Variants in MTCL3 observed in about 807,000 individuals in gnomAD.
MTCL3 encodes the protein MTCL family member 3.
chr6:127,508,627 A>G, the MTCL3 span, among the ~76,000 whole-genome samples: 2 of 152,192 alleles, frequency 1.3e-5, no homozygotes, highest in African/African-American at 4.8e-5. Flanking sequence ...GTATGAGACA[A>G]TATAAGGAGT....
At chr6:127,519,077 A>G in the MTCL3 span, 1 of 152,250 alleles carries the variant, frequency 6.6e-6, no homozygotes, top group East Asian at 1.9e-4. Flanking sequence ...CGGGATAAAG[A>G]GACAAAAAGG....
At chr6:127,484,792 G>A in the MTCL3 span, among the ~76,000 whole-genome samples, 2 of 152,186 alleles carry the variant, frequency 1.3e-5, no homozygotes, top group Admixed American at 6.5e-5. Flanking sequence ...CCTAATTCAT[G>A]TCAACCCCTT....
chr6:127,482,989 A>G, the MTCL3 span: 1 of 1,600,126 alleles, frequency 6.2e-7, no homozygotes, highest in South Asian at 1.1e-5. This position sits in a 1 kb window ranked among gnomAD's most constrained non-coding sequence, Gnocchi z 4.1. Flanking sequence ...GGATAACTGA[A>G]ACAAAGCATG....
the MTCL3 span, among the ~76,000 whole-genome samples, chr6:127,517,924 A>C: frequency 2.0e-5 from 3 of 152,262 alleles, no homozygotes; most frequent in Admixed American, 6.5e-5. Context: ...TGTTCTATAC[A>C]GAGAGCAGAT....
chr6:127,486,979 G>A, the MTCL3 span, among the ~76,000 whole-genome samples: 1 of 152,136 alleles, frequency 6.6e-6, no homozygotes, highest in African/African-American at 2.4e-5. Context: ...ATTCATTTGT[G>A]TGGTAATTAA....
chr6:127,481,334 G>A, the MTCL3 span: 1 of 985,402 alleles, frequency 1.0e-6, no homozygotes, highest in Non-Finnish European at 1.2e-6. Flanking sequence ...CAAAGACAGA[G>A]TGGAAAAGCT....
chr6:127,479,729 A>T, the MTCL3 span, among the ~76,000 whole-genome samples: 1 of 152,186 alleles, frequency 6.6e-6, no homozygotes. Context: ...TCAAGGGCTA[A>T]TGGTCATGGT....
chr6:127,516,354 G>A, the MTCL3 span: 1 of 1,597,814 alleles, frequency 6.3e-7, no homozygotes, highest in Non-Finnish European at 8.5e-7. Flanking sequence ...GCCCCGTGCG[G>A]CTCCCGGTCT....
At chr6:127,485,260 G>A in the MTCL3 span, among the ~76,000 whole-genome samples, 1 of 151,894 alleles carries the variant, frequency 6.6e-6, no homozygotes, top group African/African-American at 2.4e-5. Flanking sequence ...TGAGTAGTTA[G>A]CCAATGGAAG....
At chr6:127,482,790 A>G in the MTCL3 span, 1 of 636,002 alleles carries the variant, frequency 1.6e-6, no homozygotes, top group East Asian at 2.9e-5. This position sits in a 1 kb window ranked among gnomAD's most constrained non-coding sequence, Gnocchi z 4.1. Flanking sequence ...CATAATTGAT[A>G]TGCAAATTTG....
At chr6:127,501,662 A>G in the MTCL3 span, among the ~76,000 whole-genome samples, 1 of 152,200 alleles carries the variant, frequency 6.6e-6, no homozygotes, top group Non-Finnish European at 1.5e-5. Flanking sequence ...TGAATTTTTA[A>G]TTTTAAGTGC....
the MTCL3 span, among the ~76,000 whole-genome samples, chr6:127,508,608 A>G: frequency 6.6e-6 from 1 of 152,186 alleles, no homozygotes; most frequent in Non-Finnish European, 1.5e-5. Context: ...AATCTTGTGT[A>G]TGGGTGAGGT....
chr6:127,502,237 C>A, the MTCL3 span, among the ~76,000 whole-genome samples: 2 of 152,156 alleles, frequency 1.3e-5, no homozygotes, highest in African/African-American at 2.4e-5. Context: ...TTGTGCTTGA[C>A]CACTTTTGAT....
chr6:127,516,596 C>A, the MTCL3 span: 2 of 1,596,538 alleles, frequency 1.3e-6, no homozygotes, highest in Non-Finnish European at 1.7e-6. Flanking sequence ...GCAGCGCCCC[C>A]GATTGGTGGC....
the MTCL3 span, among the ~76,000 whole-genome samples, chr6:127,512,688 G>A: frequency 6.6e-6 from 1 of 152,112 alleles, no homozygotes; most frequent in Admixed American, 6.5e-5. Context: ...CGTACATGTC[G>A]AGTTAGATAC....
the MTCL3 span, chr6:127,516,007 G>A: frequency 6.3e-7 from 1 of 1,594,364 alleles, no homozygotes; most frequent in Non-Finnish European, 8.5e-7. Flanking sequence ...CCTCTGCTGA[G>A]CGCGTACGCC....
chr6:127,509,837 C>T, the MTCL3 span, among the ~76,000 whole-genome samples: 1 of 152,178 alleles, frequency 6.6e-6, no homozygotes, highest in African/African-American at 2.4e-5. Flanking sequence ...TTAATATTTA[C>T]CGTTTTAGAG....
the MTCL3 span, among the ~76,000 whole-genome samples, chr6:127,497,648 A>G: frequency 2.4e-4 from 36 of 152,166 alleles, no homozygotes; most frequent in African/African-American, 7.5e-4. Flanking sequence ...AAGCTGTTCT[A>G]TATCTTGGCT....
the MTCL3 span, among the ~76,000 whole-genome samples, chr6:127,489,771 T>G: frequency 6.6e-6 from 1 of 152,240 alleles, no homozygotes; most frequent in Non-Finnish European, 1.5e-5. Context: ...TAGAAGCTAG[T>G]GGGCATTGGT....
Sources: allele counts gnomAD v4.1 joint callset (sites outside exome capture counted in the v4.1 genomes callset), GRCh38; gene constraint gnomAD v4.1.1; non-coding constraint Gnocchi (gnomAD v3.1); transcripts MANE v1.5; gene names NCBI Gene and HGNC (gene_info 2026-07-23, HGNC 2026-07-21).